Variants in DCDC2 observed in about 807,000 individuals in gnomAD.
DCDC2 encodes the protein doublecortin domain containing 2.
Under a neutral mutation model 50.2 loss-of-function variants are expected in DCDC2, and 40 were observed. That is an observed-to-expected ratio of 0.80 (90% CI 0.62 to 1.04). The LOEUF is 1.04. Ranked by LOEUF, DCDC2 falls within the 50% of genes least tolerant of loss-of-function variation. The pLI, the probability that DCDC2 is intolerant of heterozygous loss-of-function variation, is 0.00. For missense variants in DCDC2, 570 were observed against 581.9 expected (o/e 0.98, Z 0.21); for synonymous variants, 234 against 210.6 (o/e 1.11, Z -0.96).
intron 2 of DCDC2, among the ~76,000 whole-genome samples, chr6:24,307,557 T>C (rs1289572600): frequency 2.0e-5 from 3 of 152,176 alleles, no homozygotes; most frequent in Admixed American, 6.5e-5. Context: ...AGGAAACTGT[T>C]ACTACTTAGC....
chr6:24,175,516 G>C (rs151288236), intron 9 of DCDC2, among the ~76,000 whole-genome samples: 2 of 152,286 alleles, frequency 1.3e-5, no homozygotes, highest in African/African-American at 4.8e-5. Context: ...CTGGGGGACA[G>C]AGTAGCTCCA....
intron 8 of DCDC2, among the ~76,000 whole-genome samples, chr6:24,201,750 A>G (rs1003541929): frequency 3.3e-5 from 5 of 152,118 alleles, no homozygotes; most frequent in Non-Finnish European, 7.4e-5. Context: ...ATAGACCACT[A>G]GCCAGACTAA....
chr6:24,359,142 TTATATATTTTATATATTTTATATATTTTA>T, upstream of DCDC2, among the ~76,000 whole-genome samples: 1 of 57,338 alleles, frequency 1.7e-5, no homozygotes, highest in African/African-American at 8.2e-5. Flanking sequence ...TTTATATATA[TTATATATTTTATATATTTTATATATTTTA>T]TATATATTTT....
chr6:24,220,853 G>GGAGAGAGGCAGAGAGC (rs1554146278), intron 7 of DCDC2, among the ~76,000 whole-genome samples: 2 of 31,306 alleles, frequency 6.4e-5, no homozygotes, highest in African/African-American at 1.6e-4. Context: ...CATGGCGGCA[G>GGAGAGAGGCAGAGAGC]GAGAGAGACA....
intron 7 of DCDC2, among the ~76,000 whole-genome samples, chr6:24,216,352 A>C (rs1433158401): frequency 6.6e-6 from 1 of 152,228 alleles, no homozygotes; most frequent in Non-Finnish European, 1.5e-5. Context: ...TAGGCTGTCA[A>C]GGAAGATGCG....
intron 7 of DCDC2, among the ~76,000 whole-genome samples, chr6:24,266,159 G>A (rs1234982795): frequency 1.3e-5 from 2 of 151,902 alleles, no homozygotes; most frequent in Non-Finnish European, 2.9e-5. Context: ...GAATGAAATT[G>A]GACCCCGATA....
intron 2 of DCDC2, among the ~76,000 whole-genome samples, chr6:24,315,436 C>G (rs139997825): frequency 1.4e-3 from 214 of 152,214 alleles, no homozygotes; most frequent in African/African-American, 4.6e-3. Flanking sequence ...AAGCTGTCTA[C>G]AGTAAATCGT....
intron 2 of DCDC2, among the ~76,000 whole-genome samples, chr6:24,326,727 T>G (rs962983339): frequency 1.3e-5 from 2 of 148,482 alleles, no homozygotes; most frequent in Non-Finnish European, 3.0e-5. Context: ...GGTGTGGTGG[T>G]ACATGCCTGT....
intron 7 of DCDC2, among the ~76,000 whole-genome samples, chr6:24,239,202 T>A (rs1446737824): frequency 6.6e-6 from 1 of 152,082 alleles, no homozygotes; most frequent in Non-Finnish European, 1.5e-5. Context: ...GTGTAATAAG[T>A]ACAATGGAGG....
chr6:24,261,728 T>C (rs1385313063), intron 7 of DCDC2, among the ~76,000 whole-genome samples: 1 of 152,184 alleles, frequency 6.6e-6, no homozygotes, highest in Non-Finnish European at 1.5e-5. Flanking sequence ...AATGAATTAC[T>C]TGCACCCAAG....
intron 8 of DCDC2, among the ~76,000 whole-genome samples, chr6:24,202,417 T>G (rs972487438): frequency 1.3e-5 from 2 of 152,038 alleles, no homozygotes; most frequent in Non-Finnish European, 2.9e-5. Flanking sequence ...AAAAGGCCTT[T>G]GATAAAATTC....
At chr6:24,241,232 C>T (rs1304059490) in intron 7 of DCDC2, among the ~76,000 whole-genome samples, 1 of 152,166 alleles carries the variant, frequency 6.6e-6, no homozygotes, top group Non-Finnish European at 1.5e-5. Flanking sequence ...TAGTTCTCTA[C>T]AGGCATTTTC....
chr6:24,273,003 A>G (rs1244139848), intron 7 of DCDC2, among the ~76,000 whole-genome samples: 1 of 136,234 alleles, frequency 7.3e-6, no homozygotes, highest in African/African-American at 3.0e-5. Context: ...TGTGTGTATA[A>G]AGACATACAC....
chr6:24,301,888 G>A, intron 3 of DCDC2, 42 bp from the exon 4 acceptor site: 1 of 1,613,508 alleles, frequency 6.2e-7, no homozygotes, highest in Non-Finnish European at 8.5e-7. Context: ...GTTATGCCTT[G>A]AAAACTACAA....
intron 2 of DCDC2, among the ~76,000 whole-genome samples, chr6:24,341,758 T>C (rs1760158862): frequency 1.3e-5 from 2 of 152,166 alleles, no homozygotes; most frequent in South Asian, 2.1e-4. Context: ...AGGGACCTAG[T>C]AGATCTAAGA....
At position 24,175,639 on chromosome 6, in the gene DCDC2, T is replaced by A. The variant is rs190062818; in HGVS notation, c.1327-805A>T. Among the ~76,000 whole-genome samples, 257 of 152,336 alleles carry A rather than the reference T, an allele frequency of 1.7e-3. 1 individual carries two copies. The highest frequency in any genetic ancestry group is 5.8e-3 in the African/African-American group (242 of 41,582). On this transcript the variant is annotated intron_variant, in intron 9 of 9. Coordinates refer to ENST00000378454, the MANE Select transcript of DCDC2 (RefSeq NM_016356.5). ...CCTTTGTGAAATGTCTCAAATGGTA[T>A]CTTGAATATAGTACAAGTTCAATCT... is the stretch of plus-strand genomic sequence containing the variant.
At chr6:24,241,169 T>C (rs1034189749) in intron 7 of DCDC2, among the ~76,000 whole-genome samples, 5 of 152,322 alleles carry the variant, frequency 3.3e-5, no homozygotes, top group Admixed American at 3.3e-4. Context: ...CAGTGTACTA[T>C]TAACCTAGGT....
intron 5 of DCDC2, among the ~76,000 whole-genome samples, chr6:24,290,617 T>C (rs1010829071): frequency 1.3e-5 from 2 of 152,186 alleles, no homozygotes; most frequent in African/African-American, 2.4e-5. Context: ...TCTAATAATG[T>C]TTGCTGTAGA....
intron 7 of DCDC2, among the ~76,000 whole-genome samples, chr6:24,213,266 T>A (rs1288225954): frequency 3.9e-5 from 6 of 152,166 alleles, no homozygotes; most frequent in South Asian, 2.1e-4. Context: ...ATAAAAATCT[T>A]AGTTATCTAT....
Sources: gnomAD v4.1 joint callset for allele counts (sites outside exome capture counted in the v4.1 genomes callset) on GRCh38, gnomAD v4.1.1 for gene constraint, MANE v1.5 for transcripts, NCBI Gene and HGNC (gene_info 2026-07-23, HGNC 2026-07-21) for gene names.